Variants in PLEKHG1 observed in about 807,000 individuals in gnomAD.
PLEKHG1 encodes pleckstrin homology domain-containing family G member 1.
PLEKHG1 carries 44 observed loss-of-function variants against 100.8 expected under a neutral mutation model. The ratio of observed to expected loss-of-function variants is 0.44; its 90% CI spans 0.34 to 0.56. The LOEUF (loss-of-function observed/expected upper bound fraction) is 0.56. Ranked by LOEUF, PLEKHG1 falls within the 20% of genes least tolerant of loss-of-function variation. The probability of loss-of-function intolerance (pLI) is 0.01; values close to 1 mark genes in which losing one functional copy is unlikely to be tolerated. For missense variants in PLEKHG1, 1,545 were observed against 1,720.9 expected, an observed-to-expected ratio of 0.90 and a Z score of 1.81; for synonymous variants, 640 against 662.5, an observed-to-expected ratio of 0.97 and a Z score of 0.52.
At chr6:150,686,435 T>G (rs1169392858) in intron 3 of PLEKHG1, among the ~76,000 whole-genome samples, 2 of 152,186 alleles carry the variant, frequency 1.3e-5, no homozygotes. Context: ...GAAAATAGTC[T>G]GAGAAAAGAG....
intron 3 of PLEKHG1, among the ~76,000 whole-genome samples, chr6:150,695,406 C>T (rs1312448050): frequency 6.6e-6 from 1 of 152,218 alleles, no homozygotes; most frequent in Non-Finnish European, 1.5e-5. Flanking sequence ...TAGGAATTCA[C>T]TAGAAATATA....
chr6:150,803,682 T>C (rs1017593657), intron 6 of PLEKHG1, among the ~76,000 whole-genome samples: 3 of 152,236 alleles, frequency 2.0e-5, no homozygotes, highest in South Asian at 2.1e-4. Flanking sequence ...GGATTGTCTT[T>C]AGTCAACTTC....
At chr6:150,673,750 T>C (rs1056282122) in intron 3 of PLEKHG1, among the ~76,000 whole-genome samples, 5 of 151,352 alleles carry the variant, frequency 3.3e-5, no homozygotes, top group African/African-American at 4.8e-5. Flanking sequence ...AGCCTCAACC[T>C]CCTTGGCTGA....
At chr6:150,609,855 C>T (rs557421578) in intron 1 of PLEKHG1, among the ~76,000 whole-genome samples, 10 of 152,292 alleles carry the variant, frequency 6.6e-5, no homozygotes, top group African/African-American at 2.4e-4. Context: ...GGAGAAAGAA[C>T]GTGTGGGGCT....
At chr6:150,840,151 T>C in exon 16 of PLEKHG1, 1 of 1,614,238 alleles carries the variant, frequency 6.2e-7, no homozygotes, top group Non-Finnish European at 8.5e-7. Flanking sequence ...TCTGACCCTC[T>C]GCCAGGCTCT....
At chr6:150,720,221 A>C (rs1377430577), upstream of PLEKHG1, among the ~76,000 whole-genome samples, 2 of 152,192 alleles carry the variant, frequency 1.3e-5, no homozygotes, top group Non-Finnish European at 2.9e-5. Flanking sequence ...ACCTTCGTTT[A>C]AAGAACTCAA....
chr6:150,799,440 C>A (rs2128662030), intron 5 of PLEKHG1, among the ~76,000 whole-genome samples: 1 of 152,320 alleles, frequency 6.6e-6, no homozygotes, highest in Non-Finnish European at 1.5e-5. Context: ...GGGAGGGACG[C>A]AAACCCAGCC....
intron 3 of PLEKHG1, among the ~76,000 whole-genome samples, chr6:150,706,366 C>A (rs1781003654): frequency 6.6e-6 from 1 of 152,056 alleles, no homozygotes; most frequent in Non-Finnish European, 1.5e-5. Context: ...GTAATCCCAG[C>A]AATTTGGGAG....
chr6:150,671,088 C>CATATATATATATATATATATATATATAT (rs10566696), intron 3 of PLEKHG1, among the ~76,000 whole-genome samples: 14 of 147,502 alleles, frequency 9.5e-5, no homozygotes, highest in African/African-American at 3.5e-4. Context: ...AGTATTCCAT[C>CATATATATATATATATATATATATATAT]ATATATATAT....
chr6:150,724,558 C>CTTTTTTTTT (rs34140367), intron 1 of PLEKHG1, among the ~76,000 whole-genome samples: 3 of 100,470 alleles, frequency 3.0e-5, no homozygotes, highest in Non-Finnish European at 6.1e-5. Flanking sequence ...TTTTCTTTTT[C>CTTTTTTTTT]TTTTTTTTTT....
In PLEKHG1 at chr6:150,733,897, C is replaced by T. The variant is rs61745188; in HGVS notation, c.216C>T (p.Pro72=). ...GCAGCGAGCTGCAGAGGGACAACCCCGCCACGGGGCAACAGAACGCGGATG... is the reference window on the plus strand; with the variant it reads ...GCAGCGAGCTGCAGAGGGACAACCCTGCCACGGGGCAACAGAACGCGGATG... Residue 72 remains proline, a synonymous_variant, in exon 2 of 16, where the codon CCC becomes CCT. Transcript: ENST00000358517. 4,320 of 1,614,138 alleles carry T rather than the reference C, an allele frequency of 2.7e-3. 95 individuals are homozygous for T. The African/African-American group carries it at 0.047, about 18-fold the overall frequency.
chr6:150,760,799 A>G (rs1451333181), intron 2 of PLEKHG1, among the ~76,000 whole-genome samples: 2 of 152,208 alleles, frequency 1.3e-5, no homozygotes, highest in African/African-American at 4.8e-5. Context: ...GCACTTTGGC[A>G]TATGAGAACG....
chr6:150,722,349 C>CTTTTTTTTTTT (rs139069069), intron 1 of PLEKHG1, among the ~76,000 whole-genome samples: 76 of 90,674 alleles, frequency 8.4e-4, no homozygotes, highest in Non-Finnish European at 1.2e-3. Flanking sequence ...TTTTTCTTTT[C>CTTTTTTTTTTT]TTTTTTTTTT....
At chr6:150,735,891 A>G (rs1317415218) in intron 2 of PLEKHG1, among the ~76,000 whole-genome samples, 1 of 152,276 alleles carries the variant, frequency 6.6e-6, no homozygotes, top group African/African-American at 2.4e-5. Context: ...GAGAAGAAAC[A>G]GGTAAGAGAT....
chr6:150,762,283 G>A (rs1395122582), intron 2 of PLEKHG1, among the ~76,000 whole-genome samples: 5 of 150,854 alleles, frequency 3.3e-5, no homozygotes, highest in African/African-American at 1.2e-4. Flanking sequence ...TCTGCCTCCC[G>A]GGTTCAAGCG....
intron 3 of PLEKHG1, among the ~76,000 whole-genome samples, chr6:150,711,143 G>T (rs1283613448): frequency 2.0e-5 from 3 of 152,142 alleles, no homozygotes; most frequent in Admixed American, 6.5e-5. Flanking sequence ...TTGGCATGAG[G>T]ACTTAAAATT....
At chr6:150,712,154 G>T (rs943993080) in intron 3 of PLEKHG1, among the ~76,000 whole-genome samples, 1 of 152,126 alleles carries the variant, frequency 6.6e-6, no homozygotes, top group Admixed American at 6.5e-5. Flanking sequence ...CTGAGGGATC[G>T]GGGACAACAT....
At chr6:150,795,348 A>T (rs1366528593) in intron 4 of PLEKHG1, among the ~76,000 whole-genome samples, 1 of 149,676 alleles carries the variant, frequency 6.7e-6, no homozygotes, top group East Asian at 2.0e-4. Flanking sequence ...GTGAGCAGAG[A>T]TTGTGCCACT....
At chr6:150,812,391 A>AAAGAGTG (rs1787581637) in intron 10 of PLEKHG1, among the ~76,000 whole-genome samples, 1 of 152,214 alleles carries the variant, frequency 6.6e-6, no homozygotes, top group Non-Finnish European at 1.5e-5. Flanking sequence ...TTGAAAGAGT[A>AAAGAGTG]GCAGAGGAGG....
Sources: allele counts gnomAD v4.1 joint callset (sites outside exome capture counted in the v4.1 genomes callset), GRCh38; gene constraint gnomAD v4.1.1; transcripts MANE v1.5; gene names NCBI Gene and HGNC (gene_info 2026-07-23, HGNC 2026-07-21).